The following ERC1 variants were observed in gnomAD, a reference collection of about 807,000 sequenced individuals.
The protein encoded by ERC1 is ELKS/RAB6-interacting/CAST family member 1.
In ERC1, 56 loss-of-function variants were observed where a neutral mutation model predicts 132.0. That is an observed-to-expected ratio of 0.42 (90% confidence interval 0.34 to 0.53). The LOEUF is 0.53. Ranked by LOEUF, ERC1 falls within the 20% of genes least tolerant of loss-of-function variation. The probability of loss-of-function intolerance (pLI) is 0.03; values close to 1 mark genes in which losing one functional copy is unlikely to be tolerated. For missense variants in ERC1, 1,202 were observed against 1,349.9 expected, an observed-to-expected ratio of 0.89 and a Z score of 1.72; for synonymous variants, 478 against 476.1, an observed-to-expected ratio of 1.00 and a Z score of -0.05.
chr12:1,107,532 A>G lies in ERC1; in HGVS notation c.1162-2660A>G, dbSNP rs1234121127. 3.3e-5 allele frequency among the ~76,000 whole-genome samples: 5 copies of G among 152,344 alleles called. No individual in the cohort carries two copies. In the East Asian group the frequency reaches 9.6e-4, roughly 29 times the overall value. On this transcript the variant is annotated intron_variant, in intron 4 of 18. Coordinates refer to ENST00000360905, the MANE Select transcript of ERC1 (RefSeq NM_178040.4). ...GGGGAAGAGAGTTCTGGATGATGAT[A>G]GGATCCATCAGTCCTATAAACTGGA... is the stretch of plus-strand genomic sequence containing the variant.
At chr12:1,253,878 C>A (rs2076622349) in intron 13 of ERC1, among the ~76,000 whole-genome samples, 1 of 152,188 alleles carries the variant, frequency 6.6e-6, no homozygotes, top group Non-Finnish European at 1.5e-5. Flanking sequence ...CTGCCCTAGT[C>A]TCTTTGAATA....
intron 2 of ERC1, among the ~76,000 whole-genome samples, chr12:1,058,710 G>T (rs1002219700): frequency 1.4e-5 from 2 of 141,588 alleles, no homozygotes; most frequent in Admixed American, 7.1e-5. Context: ...CTTGAGAATT[G>T]TTTTTTTATT....
At position 1,493,150 on chromosome 12, in the gene ERC1, A is replaced by G; in HGVS notation, c.*2920A>G. The G allele has an allele frequency of 4.8e-6, 1 of 209,374 alleles. No individual in the cohort carries two copies. Among genetic ancestry groups the G allele is most frequent in the Non-Finnish European group, 9.7e-6 (1 of 102,688 alleles). 13.0% of individuals were successfully genotyped at this position (209,374 alleles called of 1,614,324 possible). Reference sequence around the variant, plus strand: ...TTTTCATATACCTCTAACCCCCGGTACTCATTGAATCATTGATGAGGTATC... The same window carrying G: ...TTTTCATATACCTCTAACCCCCGGTGCTCATTGAATCATTGATGAGGTATC... On this transcript the variant is annotated 3_prime_UTR_variant, in exon 19 of 19. Coordinates refer to ENST00000360905, the MANE Select transcript of ERC1 (RefSeq NM_178040.4).
chr12:1,041,075 T>G (rs540780011), intron 2 of ERC1, among the ~76,000 whole-genome samples: 2 of 152,298 alleles, frequency 1.3e-5, no homozygotes, highest in East Asian at 3.9e-4. Flanking sequence ...GTAGGTTATA[T>G]CTACCAATAT....
intron 1 of ERC1, among the ~76,000 whole-genome samples, chr12:994,066 CAAAAAAAAAAAAAAAAA>C (rs72073964): frequency 3.1e-5 from 2 of 64,208 alleles, no homozygotes; most frequent in Non-Finnish European, 3.0e-5. Context: ...AACTCCGTCT[CAAAAAAAAAAAAAAAAA>C]AAAAAAAAAA....
intron 16 of ERC1, among the ~76,000 whole-genome samples, chr12:1,392,108 G>C (rs1009712560): frequency 6.6e-6 from 1 of 152,158 alleles, no homozygotes; most frequent in African/African-American, 2.4e-5. Context: ...GGCAGAGATT[G>C]GGCTCAACTC....
chr12:1,291,390 T>G (rs2079441967), intron 15 of ERC1, among the ~76,000 whole-genome samples: 1 of 152,198 alleles, frequency 6.6e-6, no homozygotes, highest in Non-Finnish European at 1.5e-5. Context: ...TCCCTGTGAC[T>G]GTTGGCAATG....
At chr12:1,153,829 C>T (rs1304971653) in intron 8 of ERC1, among the ~76,000 whole-genome samples, 2 of 152,312 alleles carry the variant, frequency 1.3e-5, no homozygotes, top group Middle Eastern at 3.4e-3. Flanking sequence ...CCCAGCCCTG[C>T]GCCTTCCCCT....
chr12:1,444,781 C>G (rs1565454692), intron 18 of ERC1, 31 bp downstream of exon 18: 2 of 1,602,504 alleles, frequency 1.2e-6, no homozygotes, highest in East Asian at 2.2e-5. Flanking sequence ...TTGAAAAGAG[C>G]CTGTGAAAAT....
At chr12:1,208,254 C>T (rs1957523658) in intron 12 of ERC1, among the ~76,000 whole-genome samples, 1 of 152,188 alleles carries the variant, frequency 6.6e-6, no homozygotes, top group Non-Finnish European at 1.5e-5. Flanking sequence ...GCTTGTCCAA[C>T]CCATGGCCCA....
intron 18 of ERC1, among the ~76,000 whole-genome samples, chr12:1,473,044 G>C (rs1314357273): frequency 6.6e-6 from 1 of 152,130 alleles, no homozygotes; most frequent in Non-Finnish European, 1.5e-5. Context: ...TTGTTTTTCT[G>C]AGAAGGAGTC....
intron 13 of ERC1, among the ~76,000 whole-genome samples, chr12:1,247,372 A>C (rs185961869): frequency 2.0e-5 from 3 of 152,246 alleles, no homozygotes; most frequent in Non-Finnish European, 4.4e-5. Context: ...TGATCATCTT[A>C]CTATGGTTAT....
At chr12:1,093,066 AT>A (rs1943456592) in intron 3 of ERC1, among the ~76,000 whole-genome samples, 1 of 152,214 alleles carries the variant, frequency 6.6e-6, no homozygotes, top group Non-Finnish European at 1.5e-5. Context: ...GTGTCTTATA[AT>A]CAGTGGCATC....
At chr12:1,378,822 G>A (rs1298003452) in intron 16 of ERC1, among the ~76,000 whole-genome samples, 3 of 152,158 alleles carry the variant, frequency 2.0e-5, no homozygotes, top group Non-Finnish European at 2.9e-5. Context: ...AGTGTACCTT[G>A]TTGACTTACA....
chr12:1,207,975 C>T (rs1263877833), intron 12 of ERC1, among the ~76,000 whole-genome samples: 1 of 152,116 alleles, frequency 6.6e-6, no homozygotes, highest in East Asian at 1.9e-4. Flanking sequence ...GGCACCCACC[C>T]CCCCATCTCA....
intron 15 of ERC1, among the ~76,000 whole-genome samples, chr12:1,334,025 T>C (rs2083103062): frequency 6.6e-6 from 1 of 152,234 alleles, no homozygotes; most frequent in African/African-American, 2.4e-5. Flanking sequence ...TTTCATGTGC[T>C]TCTTGGCCAC....
chr12:1,059,456 A>T (rs1229949154), intron 2 of ERC1, among the ~76,000 whole-genome samples: 1 of 152,128 alleles, frequency 6.6e-6, no homozygotes, highest in African/African-American at 2.4e-5. Flanking sequence ...ATTAAGTGTG[A>T]TGTTAGCTGT....
intron 16 of ERC1, among the ~76,000 whole-genome samples, chr12:1,407,418 G>A (rs2091569779): frequency 6.6e-6 from 1 of 152,046 alleles, no homozygotes; most frequent in Non-Finnish European, 1.5e-5. Context: ...TAAGCATGGT[G>A]GCGTGCACCT....
intron 16 of ERC1, among the ~76,000 whole-genome samples, chr12:1,400,431 C>T (rs1021208502): frequency 5.9e-5 from 9 of 151,914 alleles, no homozygotes; most frequent in East Asian, 5.8e-4. Flanking sequence ...TGATGTGCTC[C>T]GATTTATTTT....
Sources: gnomAD v4.1 joint callset for allele counts (sites outside exome capture counted in the v4.1 genomes callset) on GRCh38, gnomAD v4.1.1 for gene constraint, MANE v1.5 for transcripts, NCBI Gene and HGNC (gene_info 2026-07-23, HGNC 2026-07-21) for gene names.